The following MCPH1 variants were observed in gnomAD, a reference collection of about 807,000 sequenced individuals.
The protein encoded by MCPH1 is microcephalin.
In MCPH1, 104 loss-of-function variants were observed where a neutral mutation model predicts 84.5. The observed-to-expected ratio is 1.23, with a 90% CI of 1.05 to 1.45. The LOEUF is 1.45. Among genes scored for constraint, MCPH1 ranks in the 40% most tolerant of loss-of-function variants. MCPH1 has a pLI of 0.00. For synonymous variants in MCPH1, 514 were observed against 366.8 expected (o/e 1.40, Z -4.58); for missense variants, 1,498 against 1,005.7 (o/e 1.49, Z -6.62).
rs377092975 is a variant in MCPH1 at position 6,436,082 on chromosome 8, A to G, written c.356A>G (p.Lys119Arg). The change falls in exon 5 of 14, where the codon AAA becomes AGA. Residue 119 changes from lysine to arginine, a missense_variant. Transcript: ENST00000344683. ...ATGCAGCCCAAAGATTTTAATTTTAAAACACCAGAAAATGATAAGAGATTT... is the reference window on the plus strand; with the variant it reads ...ATGCAGCCCAAAGATTTTAATTTTAGAACACCAGAAAATGATAAGAGATTT... ...KCMQPKDFNF[K>R]TPENDKRFQK... 2.5e-6 allele frequency: 4 copies of G among 1,613,754 alleles called. No homozygotes were observed. The African/African-American group carries it at 5.3e-5, about 22-fold the overall frequency.
At chr8:6,612,584 C>T (rs527733626) in intron 12 of MCPH1, among the ~76,000 whole-genome samples, 1 of 152,368 alleles carries the variant, frequency 6.6e-6, no homozygotes, top group African/African-American at 2.4e-5. Flanking sequence ...TCCTGACCCC[C>T]ACTGCGTCCG....
chr8:6,451,593 T>G (rs892593629), intron 8 of MCPH1, among the ~76,000 whole-genome samples: 1 of 152,178 alleles, frequency 6.6e-6, no homozygotes, highest in African/African-American at 2.4e-5. Context: ...ATGAACAAAG[T>G]GAACTTGATA....
chr8:6,407,439 G>A (rs1417949367), intron 1 of MCPH1, among the ~76,000 whole-genome samples: 1 of 152,106 alleles, frequency 6.6e-6, no homozygotes, highest in South Asian at 2.1e-4. Flanking sequence ...GCCTTAGACC[G>A]GAGCTGCTGT....
chr8:6,532,741 C>T (rs1819766139), intron 12 of MCPH1, among the ~76,000 whole-genome samples: 2 of 152,126 alleles, frequency 1.3e-5, no homozygotes, highest in African/African-American at 4.8e-5. Flanking sequence ...CTGGTTGCTT[C>T]TGTGTTCTTC....
intron 12 of MCPH1, chr8:6,501,769 C>G (rs901769786): frequency 6.6e-6 from 1 of 152,030 alleles, no homozygotes; most frequent in African/African-American, 2.4e-5. Flanking sequence ...GTTGTCCAGG[C>G]TGGTCTTGAA....
chr8:6,523,465 C>G (rs936992106), intron 12 of MCPH1, among the ~76,000 whole-genome samples: 1 of 152,266 alleles, frequency 6.6e-6, no homozygotes, highest in East Asian at 1.9e-4. Context: ...AAAAATAGTT[C>G]CTGTCCATTA....
rs145605299 is a variant in MCPH1 at position 6,448,997 on chromosome 8, TG to T, written c.1825+3455del. ...ATGAGAAAAATAAAATAATTTGTGG[TG>T]GGGGAATAATAACATTTCATTTAAT... On this transcript the variant is annotated intron_variant, in intron 8 of 13. Transcript: ENST00000344683. Among the ~76,000 whole-genome samples the T allele has an allele frequency of 4.6e-3, 699 of 152,206 alleles. 6 individuals carry two copies. Among genetic ancestry groups the T allele is most frequent in the African/African-American group, 0.015 (632 of 41,534 alleles).
At chr8:6,554,213 A>T (rs1824175562) in intron 12 of MCPH1, among the ~76,000 whole-genome samples, 1 of 151,492 alleles carries the variant, frequency 6.6e-6, no homozygotes, top group South Asian at 2.1e-4. Context: ...AAGAGTGTTA[A>T]CATGGGAGTA....
At chr8:6,458,409 T>C (rs1049488796) in intron 9 of MCPH1, among the ~76,000 whole-genome samples, 9 of 150,624 alleles carry the variant, frequency 6.0e-5, no homozygotes, top group Admixed American at 4.6e-4. Context: ...GAGGCGGAGA[T>C]TGCAGTGAGC....
chr8:6,541,156 C>G (rs13255574), intron 12 of MCPH1, among the ~76,000 whole-genome samples: 1 of 152,084 alleles, frequency 6.6e-6, no homozygotes, highest in African/African-American at 2.4e-5. Flanking sequence ...GCAAGTTGGG[C>G]CCAGAGGGTT....
At chr8:6,441,971 G>C (rs1803577802) in intron 6 of MCPH1, 96 bp from the exon 7 acceptor site, 1 of 819,666 alleles carries the variant, frequency 1.2e-6, no homozygotes, top group Non-Finnish European at 2.1e-6. Context: ...GGATTTAATA[G>C]AATCACCTAT....
chr8:6,422,752 G>C (rs913859716), intron 3 of MCPH1, among the ~76,000 whole-genome samples: 2 of 151,798 alleles, frequency 1.3e-5, no homozygotes, highest in Admixed American at 6.6e-5. Context: ...GCAGTGGTGC[G>C]ATCTCGGCTT....
At chr8:6,562,431 C>A (rs901643904) in intron 12 of MCPH1, among the ~76,000 whole-genome samples, 8 of 152,130 alleles carry the variant, frequency 5.3e-5, no homozygotes, top group Admixed American at 3.3e-4. Flanking sequence ...GGCATTCTTT[C>A]CAAATAATTA....
chr8:6,497,112 A>C (rs1235709902), intron 11 of MCPH1, among the ~76,000 whole-genome samples: 1 of 152,174 alleles, frequency 6.6e-6, no homozygotes, highest in Non-Finnish European at 1.5e-5. Context: ...TCCTGATTGG[A>C]AGTGCAACAT....
At position 6,645,070 on chromosome 8, in the gene MCPH1, C is replaced by G. The variant is rs953939751; in HGVS notation, c.*2021C>G. 4 of 152,278 alleles carry G rather than the reference C, an allele frequency of 2.6e-5. No homozygotes were observed. The highest frequency in any genetic ancestry group is 9.7e-5 in the African/African-American group (4 of 41,450). 9.4% of individuals were successfully genotyped at this position (152,278 alleles called of 1,614,324 possible). A position where few individuals can be genotyped will look rare whatever the true frequency, so the allele number is the denominator to read the frequency against. ...GCATCCTGGCTTGGTAGTGCTCCCA[C>G]AGCACCAAAAATCCCTGAGGAGGCT... is the stretch of plus-strand genomic sequence containing the variant. On this transcript the variant is annotated 3_prime_UTR_variant, in exon 14 of 14. Coordinates refer to ENST00000344683, the MANE Select transcript of MCPH1 (RefSeq NM_024596.5).
intron 12 of MCPH1, among the ~76,000 whole-genome samples, chr8:6,603,687 C>G (rs1829541718): frequency 6.6e-6 from 1 of 152,128 alleles, no homozygotes. Context: ...TAAGGCTGAG[C>G]TTGGTTTCAG....
intron 12 of MCPH1, among the ~76,000 whole-genome samples, chr8:6,556,313 T>C (rs1267666727): frequency 6.6e-6 from 1 of 152,210 alleles, no homozygotes; most frequent in Non-Finnish European, 1.5e-5. Flanking sequence ...CTTTTTGTCA[T>C]TCTTTGTATA....
At chr8:6,512,044 C>G (rs1057469064) in intron 12 of MCPH1, among the ~76,000 whole-genome samples, 2 of 151,960 alleles carry the variant, frequency 1.3e-5, no homozygotes, top group Non-Finnish European at 2.9e-5. Flanking sequence ...CAAGTTGGAA[C>G]TGCTGTGAGG....
At chr8:6,641,150 T>G (rs996718755) in intron 13 of MCPH1, among the ~76,000 whole-genome samples, 1 of 152,248 alleles carries the variant, frequency 6.6e-6, no homozygotes, top group South Asian at 2.1e-4. Flanking sequence ...TTTGAAAAGT[T>G]TGAAATTTTT....
Sources: allele counts gnomAD v4.1 joint callset (sites outside exome capture counted in the v4.1 genomes callset), GRCh38; gene constraint gnomAD v4.1.1; transcripts MANE v1.5; gene names NCBI Gene and HGNC (gene_info 2026-07-23, HGNC 2026-07-21).